The following RSL1D1 variants were observed in gnomAD, a reference collection of about 807,000 sequenced individuals.
RSL1D1 encodes the protein ribosomal L1 domain containing 1, also known as ribosomal L1 domain-containing protein 1.
Under a neutral mutation model 44.6 loss-of-function variants are expected in RSL1D1, and 34 were observed. The ratio of observed to expected loss-of-function variants is 0.76; its 90% confidence interval spans 0.58 to 1.02. The LOEUF is 1.02. RSL1D1 is among the 50% of genes least tolerant of loss of function. RSL1D1 has a pLI of 0.00. For synonymous variants in RSL1D1, 271 were observed against 207.4 expected, an observed-to-expected ratio of 1.31 and a Z score of -2.63; for missense variants, 767 against 568.1, an observed-to-expected ratio of 1.35 and a Z score of -3.56.
rs1185768378 is a variant in RSL1D1, at chr16:11,836,251, A to C, written c.*1536T>G. The C allele has an allele frequency of 6.6e-6, 1 of 151,986 alleles. No individual in the cohort carries two copies. Among genetic ancestry groups the C allele is most frequent in the Non-Finnish European group, 1.5e-5 (1 of 68,012 alleles). The allele number at this position is 151,986 out of a possible 1,614,324, so 9.4% of individuals were successfully genotyped here. A position where few individuals can be genotyped will look rare whatever the true frequency, so the allele number is the denominator to read the frequency against. On this transcript the variant is annotated 3_prime_UTR_variant, in exon 9 of 9. Transcript: ENST00000571133. ...GGTCTGCTGGTCCTACTTCTCTCTC[A>C]AACTGTCTTTTTCTCAATCCTTTGA...
intron 2 of RSL1D1, among the ~76,000 whole-genome samples, chr16:11,849,695 T>A (rs1305131202): frequency 6.6e-6 from 1 of 152,134 alleles, no homozygotes; most frequent in Non-Finnish European, 1.5e-5. Context: ...TAAAATAAAA[T>A]AAAGCTGTTT....
chr16:11,848,864 G>T (rs1243277311), intron 2 of RSL1D1, among the ~76,000 whole-genome samples: 2 of 149,396 alleles, frequency 1.3e-5, no homozygotes, highest in Non-Finnish European at 3.0e-5. Context: ...TGCAACCTCT[G>T]CCTCCTGGGT....
intron 2 of RSL1D1, among the ~76,000 whole-genome samples, chr16:11,849,080 A>G (rs1285774751): frequency 3.3e-5 from 5 of 152,086 alleles, no homozygotes; most frequent in Non-Finnish European, 7.4e-5. Context: ...TGCCCAGCAT[A>G]ACATAACTTT....
Position 11,839,696 on chromosome 16 carries a change from T to C in RSL1D1, c.1145A>G (p.Glu382Gly), listed in dbSNP as rs200679514. 5.1e-5 allele frequency: 82 copies of C among 1,613,522 alleles called. No homozygotes were observed. Among genetic ancestry groups the C allele is most frequent in the Non-Finnish European group, 6.9e-5 (81 of 1,179,916 alleles). ...GAACAGTAAATATTAAAACAATACC[T>C]CTACTTTTTCATTAGCTGGAGTCTT... ...GKKTPANEKVEIQKHATGKKS... is the reference protein window; with the variant it reads ...GKKTPANEKVGIQKHATGKKS... Residue 382 changes from glutamate (E) to glycine (G), a missense_variant and splice_region_variant, in exon 8 of 9, where the codon GAG becomes GGG. Coordinates refer to ENST00000571133, the MANE Select transcript of RSL1D1 (RefSeq NM_015659.3).
rs770490644 is a variant in RSL1D1, at chr16:11,842,017, T to C, written c.636-17A>G. ...CGTATAGCACTGAAATTTAATATAG[T>C]ATTAGACAAGATTTTAAAAAACCAT... On this transcript the variant is annotated splice_polypyrimidine_tract_variant and intron_variant, in intron 5 of 8. Coordinates refer to ENST00000571133, the MANE Select transcript of RSL1D1 (RefSeq NM_015659.3). The C allele has an allele frequency of 9.6e-6, 15 of 1,558,390 alleles. No homozygotes were observed. The highest frequency in any genetic ancestry group is 2.2e-5 in the East Asian group (1 of 44,568).
At chr16:11,844,638 G>T (rs2053785784) in intron 5 of RSL1D1, among the ~76,000 whole-genome samples, 1 of 152,114 alleles carries the variant, frequency 6.6e-6, no homozygotes. Context: ...ACACTCCCCT[G>T]GGGTCAGGCC....
chr16:11,840,345 C>CA (rs113078529), intron 7 of RSL1D1, among the ~76,000 whole-genome samples: 5,447 of 152,210 alleles, frequency 0.036, 331 homozygotes, highest in African/African-American at 0.12. Flanking sequence ...GCAGGAGGAT[C>CA]ACTTGAGGTC....
chr16:11,839,406 G>C (rs1385375349), intron 8 of RSL1D1, among the ~76,000 whole-genome samples: 1 of 147,692 alleles, frequency 6.8e-6, no homozygotes, highest in Non-Finnish European at 1.5e-5. Context: ...AAGCCAACCG[G>C]TTGGGACTAG....
Position 11,837,544 on chromosome 16 carries a change from T to C in RSL1D1, c.*243A>G, listed in dbSNP as rs2053730618. On this transcript the variant is annotated 3_prime_UTR_variant, in exon 9 of 9. Coordinates refer to ENST00000571133, the MANE Select transcript of RSL1D1 (RefSeq NM_015659.3). ...TTTTGTATTTTTGGTACAGACAGGG[T>C]TTCACCATGTTGGCCAGGATGGTCT... 1 of 389,672 alleles carries C rather than the reference T, an allele frequency of 2.6e-6. No individual in the cohort carries two copies. Among genetic ancestry groups the C allele is most frequent in the South Asian group, 4.2e-5 (1 of 23,880 alleles). The allele number at this position is 389,672 out of a possible 1,614,324, so 24.1% of individuals were successfully genotyped here.
In RSL1D1 at chr16:11,846,413, C is replaced by A. The variant is rs1289337439; in HGVS notation, c.635+88G>T. The A allele has an allele frequency of 2.7e-4, 201 of 744,842 alleles. 1 individual carries two copies. The highest frequency in any genetic ancestry group is 4.1e-4 in the Middle Eastern group (1 of 2,428). The allele number at this position is 744,842 out of a possible 1,614,324, so 46.1% of individuals were successfully genotyped here. ...CCATCTCAAAAAAAAAAAACAAAAA[C>A]AAAAAACAAAACAAAACGAATAAGT... is the stretch of plus-strand genomic sequence containing the variant. On this transcript the variant is annotated intron_variant, in intron 5 of 8. Transcript: ENST00000571133.
intron 5 of RSL1D1, among the ~76,000 whole-genome samples, chr16:11,843,114 T>A (rs953997226): frequency 8.6e-5 from 13 of 150,608 alleles, no homozygotes; most frequent in Admixed American, 2.7e-4. Context: ...TTTTTTTTTT[T>A]AGTAGAGACG....
At chr16:11,851,221 G>C (rs2053835138) in intron 1 of RSL1D1, 187 bp downstream of exon 1, 1 of 655,516 alleles carries the variant, frequency 1.5e-6, no homozygotes, top group East Asian at 2.7e-5. Context: ...CCAGGCCGCA[G>C]GACCAGGGAA....
intron 7 of RSL1D1, among the ~76,000 whole-genome samples, chr16:11,840,291 C>T (rs1013143850): frequency 3.9e-5 from 6 of 152,100 alleles, no homozygotes; most frequent in African/African-American, 1.4e-4. Context: ...CTCAGCTGGG[C>T]GCGGTGGCTC....
intron 2 of RSL1D1, among the ~76,000 whole-genome samples, chr16:11,848,506 C>T (rs1567421436): frequency 6.6e-6 from 1 of 152,152 alleles, no homozygotes; most frequent in Non-Finnish European, 1.5e-5. Context: ...CTCTTAGCTC[C>T]ATAAACATAA....
At chr16:11,840,062 C>T in intron 7 of RSL1D1, 77 bp from the exon 8 acceptor site, 2 of 1,545,790 alleles carry the variant, frequency 1.3e-6, no homozygotes, top group African/African-American at 1.4e-5. Flanking sequence ...GTACCACGTG[C>T]AGTTTTGATT....
rs758527687 is a variant in RSL1D1 at position 11,841,989 on chromosome 16, A to G, written c.647T>C (p.Ile216Thr). ...SKSGSCSAIR[I>T]GHVGMQIEHI... ...CTCAATTTGCATTCCAACGTGACCA[A>G]TACGTATAGCACTGAAATTTAATAT... Residue 216 changes from isoleucine (I) to threonine (T), a missense_variant, in exon 6 of 9, where the codon ATT (isoleucine) becomes ACT (threonine). Coordinates refer to ENST00000571133, the MANE Select transcript of RSL1D1 (RefSeq NM_015659.3). 1 of 1,612,296 alleles carries G rather than the reference A, an allele frequency of 6.2e-7. No individual in the cohort carries two copies. The highest frequency in any genetic ancestry group is 2.2e-5 in the East Asian group (1 of 44,868).
intron 3 of RSL1D1, 129 bp from the exon 4 acceptor site, chr16:11,846,972 C>T (rs1019813): frequency 0.51 from 398,667 of 781,856 alleles, 109,314 homozygotes; most frequent in Non-Finnish European, 0.59. Context: ...TTAATGAACA[C>T]TTGAGGGCCT....
At position 11,837,136 on chromosome 16, in the gene RSL1D1, A is replaced by C. The variant is rs115070969; in HGVS notation, c.*651T>G. 1,701 of 150,978 alleles carry C rather than the reference A, an allele frequency of 0.011. 34 individuals carry two copies. Among genetic ancestry groups the C allele is most frequent in the African/African-American group, 0.039 (1,589 of 41,224 alleles). 9.4% of individuals were successfully genotyped at this position (150,978 alleles called of 1,614,324 possible). ...GCACAGATGCATGCCACCATGCCAC[A>C]CTAATTTTTTTTTTTCTTTTGTAGA... On this transcript the variant is annotated 3_prime_UTR_variant, in exon 9 of 9. Transcript: ENST00000571133.
intron 5 of RSL1D1, 100 bp downstream of exon 5, chr16:11,846,401 A>C (rs112176495): frequency 0.042 from 30,144 of 716,542 alleles, 947 homozygotes; most frequent in Non-Finnish European, 0.053. Context: ...TCTCAAAAAA[A>C]AAAAACAAAA....
Sources: allele counts gnomAD v4.1 joint callset (sites outside exome capture counted in the v4.1 genomes callset), GRCh38; gene constraint gnomAD v4.1.1; transcripts MANE v1.5; gene names NCBI Gene and HGNC (gene_info 2026-07-23, HGNC 2026-07-21).